Variants in DSCAM observed in about 807,000 individuals in gnomAD.
DSCAM encodes the protein DS cell adhesion molecule.
Under a neutral mutation model 217.7 loss-of-function variants are expected in DSCAM, and 47 were observed. The ratio of observed to expected loss-of-function variants is 0.22; its 90% confidence interval spans 0.17 to 0.28. The LOEUF (loss-of-function observed/expected upper bound fraction) is 0.28, where lower values mean the gene tolerates loss of function less well. Ranked by LOEUF, DSCAM falls within the 10% of genes least tolerant of loss-of-function variation. DSCAM has a pLI of 1.00. For missense variants in DSCAM, 2,080 were observed against 2,618.3 expected, an observed-to-expected ratio of 0.79 and a Z score of 4.49; for synonymous variants, 1,056 against 1,015.3, an observed-to-expected ratio of 1.04 and a Z score of -0.76.
chr21:40,790,950 G>T (rs1031696557), intron 1 of DSCAM, among the ~76,000 whole-genome samples: 1 of 151,966 alleles, frequency 6.6e-6, no homozygotes, highest in African/African-American at 2.4e-5. Flanking sequence ...GCTGAGGTGG[G>T]TGGTTCACCT....
chr21:40,137,618 C>G (rs866829444), intron 18 of DSCAM, among the ~76,000 whole-genome samples: 1 of 116,994 alleles, frequency 8.5e-6, no homozygotes, highest in Non-Finnish European at 1.9e-5. Flanking sequence ...CACACACACA[C>G]ACACACACAC....
chr21:40,169,149 C>T (rs950551832), intron 15 of DSCAM, among the ~76,000 whole-genome samples: 2 of 152,042 alleles, frequency 1.3e-5, no homozygotes, highest in Non-Finnish European at 2.9e-5. Flanking sequence ...GGCAAAGGAA[C>T]AAATACCTCT....
chr21:40,483,735 T>C (rs2076002130), intron 3 of DSCAM, among the ~76,000 whole-genome samples: 1 of 152,170 alleles, frequency 6.6e-6, no homozygotes, highest in African/African-American at 2.4e-5. Flanking sequence ...ATCCTATCCC[T>C]GGAATAGATT....
chr21:40,379,989 G>C (rs887217664), intron 3 of DSCAM, among the ~76,000 whole-genome samples: 2 of 152,176 alleles, frequency 1.3e-5, no homozygotes, highest in African/African-American at 4.8e-5. Context: ...TGGGGCATGA[G>C]GAATAAGCTT....
At chr21:40,537,161 T>C (rs185334128) in intron 3 of DSCAM, among the ~76,000 whole-genome samples, 205 of 152,314 alleles carry the variant, frequency 1.3e-3, no homozygotes, top group Non-Finnish European at 2.2e-3. Context: ...CATTGAGCAC[T>C]TTGATTAATT....
intron 11 of DSCAM, among the ~76,000 whole-genome samples, chr21:40,206,235 C>T (rs1180449771): frequency 1.3e-5 from 2 of 152,224 alleles, no homozygotes; most frequent in Non-Finnish European, 2.9e-5. Flanking sequence ...ATACCTTCAT[C>T]CCAGTAGGTG....
Position 40,686,217 on chromosome 21 carries a change from A to ACACACACACCCCCTC in DSCAM, c.508+6592_508+6593insGAGGGGGTGTGTGTG, listed in dbSNP as rs1555880554. 5.5e-4 allele frequency among the ~76,000 whole-genome samples: 81 copies of ACACACACACCCCCTC among 146,812 alleles called. 1 individual carries two copies. Among genetic ancestry groups the ACACACACACCCCCTC allele is most frequent in the Middle Eastern group, 3.6e-3 (1 of 280 alleles). ...CACATAGCACGTACTCCACACACAC[A>ACACACACACCCCCTC]CACACACACACAGAGCTCACACACC... On this transcript the variant is annotated intron_variant, in intron 3 of 32. Coordinates refer to ENST00000400454, the MANE Select transcript of DSCAM (RefSeq NM_001389.5).
At chr21:40,462,129 C>T (rs957670530) in intron 3 of DSCAM, among the ~76,000 whole-genome samples, 6 of 152,164 alleles carry the variant, frequency 3.9e-5, no homozygotes, top group Admixed American at 2.6e-4. Flanking sequence ...TTTTAACCCA[C>T]GTCTTTCCTC....
At chr21:40,344,432 G>C (rs930822467) in intron 6 of DSCAM, among the ~76,000 whole-genome samples, 1 of 151,848 alleles carries the variant, frequency 6.6e-6, no homozygotes, top group African/African-American at 2.4e-5. Flanking sequence ...TAATGTGCAG[G>C]GCTGCTGACA....
At chr21:40,488,076 T>G (rs887082969) in intron 3 of DSCAM, among the ~76,000 whole-genome samples, 1 of 152,224 alleles carries the variant, frequency 6.6e-6, no homozygotes, top group Non-Finnish European at 1.5e-5. Context: ...CTCATCTTGC[T>G]GGTCAGGGAC....
At chr21:40,594,512 C>T (rs463481) in intron 3 of DSCAM, among the ~76,000 whole-genome samples, 50,571 of 152,040 alleles carry the variant, frequency 0.33, 8,623 homozygotes, top group South Asian at 0.46. Flanking sequence ...TGTCTCAAGA[C>T]TGCTGTGAGT....
chr21:40,544,512 A>G (rs745819731), intron 3 of DSCAM, among the ~76,000 whole-genome samples: 1 of 152,164 alleles, frequency 6.6e-6, no homozygotes, highest in Non-Finnish European at 1.5e-5. Context: ...AGACATAGAG[A>G]AGAACCCCCT....
chr21:40,606,096 C>A (rs983898607), intron 3 of DSCAM, among the ~76,000 whole-genome samples: 1 of 152,152 alleles, frequency 6.6e-6, no homozygotes, highest in African/African-American at 2.4e-5. Context: ...CCACTGTGCC[C>A]AGCCAATGCA....
chr21:40,396,080 C>T (rs184318357), intron 3 of DSCAM, among the ~76,000 whole-genome samples: 3 of 152,220 alleles, frequency 2.0e-5, no homozygotes, highest in South Asian at 2.1e-4. Context: ...TCTGAACCGC[C>T]GACAGGGTTC....
At chr21:40,114,959 G>C (rs2089949867) in intron 20 of DSCAM, among the ~76,000 whole-genome samples, 2 of 152,192 alleles carry the variant, frequency 1.3e-5, no homozygotes, top group Non-Finnish European at 2.9e-5. Flanking sequence ...CTTTTACACT[G>C]TTGGTGGGAC....
chr21:40,603,959 A>C (rs1448010247), intron 3 of DSCAM, among the ~76,000 whole-genome samples: 1 of 105,654 alleles, frequency 9.5e-6, no homozygotes, highest in Non-Finnish European at 1.8e-5. Flanking sequence ...AGCCTCTTGG[A>C]TATGTGGTTT....
chr21:40,328,063 C>T (rs950674969), intron 8 of DSCAM, among the ~76,000 whole-genome samples: 5 of 152,006 alleles, frequency 3.3e-5, no homozygotes, highest in Non-Finnish European at 5.9e-5. Flanking sequence ...AAATGCCCAT[C>T]TTACCTGAAG....
At chr21:40,086,584 C>T (rs927044251) in intron 22 of DSCAM, among the ~76,000 whole-genome samples, 2 of 152,272 alleles carry the variant, frequency 1.3e-5, no homozygotes, top group African/African-American at 2.4e-5. Context: ...AACTTATATC[C>T]TAATTTCTTC....
At chr21:40,043,935 G>T (rs569002653) in intron 31 of DSCAM, 143 bp downstream of exon 31, 1 of 826,004 alleles carries the variant, frequency 1.2e-6, no homozygotes, top group Non-Finnish European at 1.9e-6. Flanking sequence ...TAGATAAACC[G>T]CGTAACAATT....
Sources: allele counts gnomAD v4.1 joint callset (sites outside exome capture counted in the v4.1 genomes callset), GRCh38; gene constraint gnomAD v4.1.1; transcripts MANE v1.5; gene names NCBI Gene and HGNC (gene_info 2026-07-23, HGNC 2026-07-21).